Variants in SBF2 observed in about 807,000 individuals in gnomAD.
The protein encoded by SBF2 is myotubularin-related protein 13.
In SBF2, 112 loss-of-function variants were observed where a neutral mutation model predicts 225.2. The observed-to-expected ratio is 0.50, with a 90% confidence interval of 0.43 to 0.58. SBF2 has a LOEUF of 0.58. Ranked by LOEUF, SBF2 falls within the 20% of genes least tolerant of loss-of-function variation. SBF2 has a pLI of 0.00. For synonymous variants in SBF2, 763 were observed against 773.3 expected (o/e 0.99, Z 0.22); for missense variants, 1,996 against 2,206.2 (o/e 0.90, Z 1.91).
At chr11:10,175,921 A>G (rs1217905076) in intron 2 of SBF2, among the ~76,000 whole-genome samples, 4 of 151,658 alleles carry the variant, frequency 2.6e-5, no homozygotes, top group Non-Finnish European at 5.9e-5. Context: ...TACTGGGTGC[A>G]TAACGAAATG....
intron 17 of SBF2, among the ~76,000 whole-genome samples, chr11:9,894,082 C>CA: frequency 6.6e-6 from 1 of 151,746 alleles, no homozygotes; most frequent in Non-Finnish European, 1.5e-5. Context: ...TCTGTCTCTA[C>CA]AAAAAAATAC....
rs541226728 is a variant in SBF2, at chr11:10,028,611, A to T, written c.514-54T>A. ...ACACACACGATTTCAGCCATTTTTT[A>T]AAAAATAAAAATACCTTCGATGTTC... On this transcript the variant is annotated intron_variant, in intron 5 of 39. Coordinates refer to ENST00000256190, the MANE Select transcript of SBF2 (RefSeq NM_030962.4). 193 of 1,157,048 alleles carry T rather than the reference A, an allele frequency of 1.7e-4. No individual in the cohort carries two copies. In the East Asian group the frequency reaches 4.0e-3, roughly 24 times the overall value. 71.7% of individuals were successfully genotyped at this position (1,157,048 alleles called of 1,614,324 possible). A position where few individuals can be genotyped will look rare whatever the true frequency, so the allele number is the denominator to read the frequency against.
At chr11:10,228,530 A>T (rs1245526110) in intron 1 of SBF2, among the ~76,000 whole-genome samples, 1 of 152,200 alleles carries the variant, frequency 6.6e-6, no homozygotes, top group Non-Finnish European at 1.5e-5. Context: ...TTTTAGCATG[A>T]AGCATTGTTG....
At chr11:10,064,987 A>G (rs181069060) in intron 2 of SBF2, among the ~76,000 whole-genome samples, 1 of 152,234 alleles carries the variant, frequency 6.6e-6, no homozygotes, top group Non-Finnish European at 1.5e-5. Flanking sequence ...TCTCAAGTAC[A>G]TCTGAATTAG....
intron 17 of SBF2, among the ~76,000 whole-genome samples, chr11:9,862,921 G>T (rs1035755802): frequency 3.9e-5 from 6 of 152,030 alleles, no homozygotes; most frequent in African/African-American, 1.4e-4. Context: ...GGTGGTGCTG[G>T]TTGGGAATGC....
At chr11:10,024,963 C>T (rs539389808) in intron 6 of SBF2, among the ~76,000 whole-genome samples, 14 of 152,262 alleles carry the variant, frequency 9.2e-5, no homozygotes, top group African/African-American at 3.4e-4. Context: ...AATTCTCAGT[C>T]TTGACTATTT....
chr11:10,136,222 C>G (rs547816401), intron 2 of SBF2, among the ~76,000 whole-genome samples: 1 of 152,026 alleles, frequency 6.6e-6, no homozygotes, highest in African/African-American at 2.4e-5. Context: ...TCCACAAGGT[C>G]CCCCCCAACA....
At chr11:9,968,287 G>T (rs1867096852) in intron 14 of SBF2, 54 bp downstream of exon 14, 1 of 1,501,024 alleles carries the variant, frequency 6.7e-7, no homozygotes, top group Non-Finnish European at 9.3e-7. Context: ...TTCCTTTTTG[G>T]GTCTTACATC....
At chr11:10,183,422 C>T (rs1357822535) in intron 2 of SBF2, among the ~76,000 whole-genome samples, 2 of 152,120 alleles carry the variant, frequency 1.3e-5, no homozygotes. Flanking sequence ...TACTATTTTT[C>T]AAGGTTTTTC....
chr11:10,182,169 A>G (rs1203721332), intron 2 of SBF2, among the ~76,000 whole-genome samples: 1 of 152,244 alleles, frequency 6.6e-6, no homozygotes, highest in African/African-American at 2.4e-5. Flanking sequence ...TATTTCGTAC[A>G]GTAATTAGGA....
intron 2 of SBF2, among the ~76,000 whole-genome samples, chr11:10,115,076 T>C (rs1159866649): frequency 6.6e-6 from 1 of 152,226 alleles, no homozygotes; most frequent in African/African-American, 2.4e-5. Context: ...TATTTATGCA[T>C]AATTTTTTGC....
At chr11:10,298,075 G>T (rs781381834), upstream of SBF2, among the ~76,000 whole-genome samples, 1 of 152,260 alleles carries the variant, frequency 6.6e-6, no homozygotes, top group African/African-American at 2.4e-5. Flanking sequence ...GTATGTGGCA[G>T]ATACCTTTCT....
intron 12 of SBF2, among the ~76,000 whole-genome samples, chr11:9,991,654 T>C (rs765634352): frequency 1.1e-4 from 16 of 152,166 alleles, no homozygotes; most frequent in Non-Finnish European, 1.9e-4. Context: ...AGTTAAATGA[T>C]AAAAGGAAAG....
At chr11:10,204,507 C>T (rs111715402) in intron 1 of SBF2, among the ~76,000 whole-genome samples, 1 of 151,742 alleles carries the variant, frequency 6.6e-6, no homozygotes, top group Non-Finnish European at 1.5e-5. Context: ...GGTGTGGTGG[C>T]AGGCTCCTGT....
Position 9,812,663 on chromosome 11 carries a change from C to G in SBF2, c.4024G>C (p.Glu1342Gln). The stretch of plus-strand genomic sequence containing the variant: ...TTCACTTGCCGGATTTCATGAAATT[C>G]AACAGGAACAAACTCACAATTTAAA... Reference protein sequence around the residue: ...FALNCEFVPVEFHEIRQVKAS... With the variant: ...FALNCEFVPVQFHEIRQVKAS... The change falls in exon 30 of 40, where the codon GAA becomes CAA. Residue 1342 changes from glutamate (E) to glutamine (Q), a missense_variant. Physicochemically the swap from Glu to Gln is conservative, Grantham distance 29 (BLOSUM62 2). Coordinates refer to ENST00000256190, the MANE Select transcript of SBF2 (RefSeq NM_030962.4). 2 of 1,614,174 alleles carry G rather than the reference C, an allele frequency of 1.2e-6. No homozygotes were observed. The highest frequency in any genetic ancestry group is 1.7e-6 in the Non-Finnish European group (2 of 1,180,032).
intron 2 of SBF2, among the ~76,000 whole-genome samples, chr11:10,100,432 G>C (rs1298028651): frequency 2.0e-5 from 3 of 152,350 alleles, no homozygotes; most frequent in African/African-American, 7.2e-5. Context: ...AGTTGTCTTG[G>C]ACTGGGGGCT....
chr11:9,785,649 T>C (rs1282452612), intron 36 of SBF2, among the ~76,000 whole-genome samples: 1 of 151,954 alleles, frequency 6.6e-6, no homozygotes, highest in Admixed American at 6.6e-5. Context: ...ATCACTTGAG[T>C]CCAGGAGTTC....
chr11:9,901,233 A>G (rs904375242), intron 16 of SBF2, among the ~76,000 whole-genome samples: 1 of 152,372 alleles, frequency 6.6e-6, no homozygotes, highest in Admixed American at 6.5e-5. Context: ...AGATAAACAG[A>G]GCACTGAAGC....
intron 21 of SBF2, 36 bp downstream of exon 21, chr11:9,852,640 G>C: frequency 1.3e-6 from 2 of 1,489,676 alleles, no homozygotes; most frequent in Non-Finnish European, 1.9e-6. Flanking sequence ...TTTAAGAAGA[G>C]AGGCTATACC....
Sources: gnomAD v4.1 joint callset for allele counts (sites outside exome capture counted in the v4.1 genomes callset) on GRCh38, gnomAD v4.1.1 for gene constraint, MANE v1.5 for transcripts, NCBI Gene and HGNC (gene_info 2026-07-23, HGNC 2026-07-21) for gene names.